MYO3B: variants seen among roughly 807,000 people sequenced by gnomAD.
The protein encoded by MYO3B is myosin-IIIb.
In MYO3B, 156 loss-of-function variants were observed where a neutral mutation model predicts 174.6. The ratio of observed to expected loss-of-function variants is 0.89; its 90% CI spans 0.78 to 1.02. MYO3B has a LOEUF of 1.02. MYO3B is among the 50% of genes least tolerant of loss of function. The pLI is 0.00. For synonymous variants in MYO3B, 563 were observed against 569.1 expected (o/e 0.99, Z 0.15); for missense variants, 1,632 against 1,639.4 (o/e 1.00, Z 0.08).
chr2:170,440,516 A>G (rs984685041), intron 22 of MYO3B, among the ~76,000 whole-genome samples: 1 of 152,042 alleles, frequency 6.6e-6, no homozygotes, highest in Admixed American at 6.5e-5. Flanking sequence ...ATTTATTCCT[A>G]TTATATTTTG....
intron 7 of MYO3B, among the ~76,000 whole-genome samples, chr2:170,246,921 G>A (rs753151521): frequency 5.9e-5 from 9 of 152,074 alleles, no homozygotes; most frequent in African/African-American, 1.2e-4. Context: ...AGTTAGATTG[G>A]CCAGCCTTCC....
chr2:170,580,308 A>G (rs1157813189), intron 32 of MYO3B, among the ~76,000 whole-genome samples: 1 of 152,056 alleles, frequency 6.6e-6, no homozygotes, highest in Non-Finnish European at 1.5e-5. Context: ...TTTGTACCTA[A>G]TTTTATATTT....
intron 8 of MYO3B, chr2:170,344,763 T>C (rs2094003921): frequency 6.6e-6 from 1 of 152,098 alleles, no homozygotes; most frequent in Admixed American, 6.6e-5. Flanking sequence ...ATCAAATAAG[T>C]AGTATCAAAT....
chr2:170,291,538 T>C (rs1425560205), intron 7 of MYO3B, among the ~76,000 whole-genome samples: 1 of 152,184 alleles, frequency 6.6e-6, no homozygotes. Context: ...CCTGAAGATT[T>C]TTCTTTTTGC....
chr2:170,224,133 A>T, intron 6 of MYO3B, among the ~76,000 whole-genome samples: 1 of 152,214 alleles, frequency 6.6e-6, no homozygotes, highest in East Asian at 1.9e-4. Context: ...GCATAGTGGG[A>T]AGGAAACTTT....
chr2:170,238,456 A>AT (rs1432528909), intron 7 of MYO3B, among the ~76,000 whole-genome samples: 8 of 152,008 alleles, frequency 5.3e-5, no homozygotes, highest in Non-Finnish European at 1.0e-4. Flanking sequence ...TTCAGAATTA[A>AT]TTTTTTTTCT....
intron 32 of MYO3B, among the ~76,000 whole-genome samples, chr2:170,578,137 A>T (rs1439498189): frequency 1.3e-5 from 2 of 152,218 alleles, no homozygotes; most frequent in Non-Finnish European, 2.9e-5. Flanking sequence ...TCAAGGGTTC[A>T]TTAGGAGGAG....
At chr2:170,479,763 G>A (rs1216701006) in intron 25 of MYO3B, among the ~76,000 whole-genome samples, 1 of 147,260 alleles carries the variant, frequency 6.8e-6, no homozygotes, top group Non-Finnish European at 1.5e-5. Context: ...TGTATATGTT[G>A]TAACTGAATG....
chr2:170,626,947 G>A (rs1359934790), intron 32 of MYO3B, among the ~76,000 whole-genome samples: 1 of 152,118 alleles, frequency 6.6e-6, no homozygotes, highest in Admixed American at 6.5e-5. Flanking sequence ...CCCTTTGTGG[G>A]TAACCCGACC....
chr2:170,318,750 T>C (rs1337652871), intron 7 of MYO3B, among the ~76,000 whole-genome samples: 1 of 152,274 alleles, frequency 6.6e-6, no homozygotes, highest in East Asian at 1.9e-4. Flanking sequence ...TAGTGTGGGT[T>C]GGAGCTTGAT....
chr2:170,224,021 C>T (rs1327802565), intron 6 of MYO3B, among the ~76,000 whole-genome samples: 2 of 152,222 alleles, frequency 1.3e-5, no homozygotes, highest in South Asian at 2.1e-4. Flanking sequence ...CCTGATGATC[C>T]AGTAACTATG....
chr2:170,352,074 T>C (rs2094076814), intron 8 of MYO3B, among the ~76,000 whole-genome samples: 1 of 152,296 alleles, frequency 6.6e-6, no homozygotes, highest in Non-Finnish European at 1.5e-5. Flanking sequence ...TGCCTCAGCC[T>C]CCTGAGTAGC....
rs78970302 is a variant in MYO3B, at chr2:170,494,746, A to G, written c.3015-3846A>G. Among the ~76,000 whole-genome samples, 802 of 147,740 alleles carry G rather than the reference A, an allele frequency of 5.4e-3. 7 individuals carry two copies. Among genetic ancestry groups the G allele is most frequent in the South Asian group, 0.021 (96 of 4,608 alleles). On this transcript the variant is annotated intron_variant, in intron 25 of 34. Coordinates refer to ENST00000408978, the MANE Select transcript of MYO3B (RefSeq NM_138995.5). ...GCGTCTCAAAAAAAAAAAAAAAAAA[A>G]AAGAAGAAGAAAAAAAAGAAAAAAG...
intron 32 of MYO3B, among the ~76,000 whole-genome samples, chr2:170,575,442 A>G (rs1692727015): frequency 6.6e-6 from 1 of 152,162 alleles, no homozygotes; most frequent in Non-Finnish European, 1.5e-5. Flanking sequence ...TAGGGTAAAA[A>G]AAGCATAGAC....
intron 25 of MYO3B, among the ~76,000 whole-genome samples, chr2:170,470,471 T>C (rs1316223670): frequency 6.6e-6 from 1 of 152,016 alleles, no homozygotes; most frequent in Non-Finnish European, 1.5e-5. Flanking sequence ...TCCCATTGCA[T>C]GAATATATCA....
chr2:170,647,025 C>G (rs545944899), intron 32 of MYO3B: 1 of 770,344 alleles, frequency 1.3e-6, no homozygotes, highest in Non-Finnish European at 2.0e-6. Context: ...GAACGTTTTA[C>G]TTTAATATAA....
At chr2:170,382,184 T>C in intron 10 of MYO3B, 72 bp downstream of exon 10, 1 of 1,246,138 alleles carries the variant, frequency 8.0e-7, no homozygotes, top group Non-Finnish European at 1.2e-6. Context: ...CTTTCTGTTG[T>C]AGACCATGTC....
chr2:170,455,906 A>G (rs1683881189), intron 23 of MYO3B, among the ~76,000 whole-genome samples: 1 of 152,150 alleles, frequency 6.6e-6, no homozygotes, highest in Admixed American at 6.5e-5. Context: ...TAGACAGACA[A>G]TGGTTTTGTC....
At chr2:170,420,630 T>G (rs1159592021) in intron 22 of MYO3B, among the ~76,000 whole-genome samples, 1 of 152,214 alleles carries the variant, frequency 6.6e-6, no homozygotes, top group Non-Finnish European at 1.5e-5. Flanking sequence ...GCTCCTCATC[T>G]TCATCAGTCT....
Sources: allele counts gnomAD v4.1 joint callset (sites outside exome capture counted in the v4.1 genomes callset), GRCh38; gene constraint gnomAD v4.1.1; transcripts MANE v1.5; gene names NCBI Gene and HGNC (gene_info 2026-07-23, HGNC 2026-07-21).